The following ATP11C variants were observed in gnomAD, a reference collection of about 807,000 sequenced individuals.
The protein encoded by ATP11C is ATPase phospholipid transporting 11C (ATP11C blood group), also known as phospholipid-transporting ATPase IG.
Under a neutral mutation model 97.4 loss-of-function variants are expected in ATP11C, and 36 were observed. That is an observed-to-expected ratio of 0.37 (90% CI 0.28 to 0.49). The LOEUF (loss-of-function observed/expected upper bound fraction) is 0.49, where lower values mean the gene tolerates loss of function less well. ATP11C is among the 20% of genes least tolerant of loss of function. ATP11C has a pLI of 0.98. For missense variants in ATP11C, 730 were observed against 824.6 expected (o/e 0.89, Z 1.40); for synonymous variants, 275 against 290.9 (o/e 0.95, Z 0.56).
rs2082548630 is a variant in ATP11C at position 139,785,255 on chromosome X, C to T, written c.1637G>A (p.Arg546His). The T allele has an allele frequency of 2.5e-6, 3 of 1,206,575 alleles. No homozygotes were observed. Among genetic ancestry groups the T allele is most frequent in the African/African-American group, 1.8e-5 (1 of 57,097 alleles). The change falls in exon 16 of 30, where the codon CGT becomes CAT. Residue 546 changes from arginine (R) to histidine (H), a missense_variant. Arg to His is a conservative substitution (Grantham distance 29). Transcript: ENST00000682941. Reference sequence around the variant, plus strand: ...TTGAGTCTTCACAATTACACTCATACGTCGCCGGACAGCATCAAAGTTTAA... The same window carrying T: ...TTGAGTCTTCACAATTACACTCATATGTCGCCGGACAGCATCAAAGTTTAA... ...HTLNFDAVRR[R>H]MSVIVKTQEG...
chrX:139,908,868 A>G (rs1463967271), intron 1 of ATP11C, among the ~76,000 whole-genome samples: 2 of 112,213 alleles, frequency 1.8e-5, no homozygotes, highest in Non-Finnish European at 3.8e-5. Flanking sequence ...GATGTTTCCA[A>G]TGCAGGCTCA....
intron 3 of ATP11C, among the ~76,000 whole-genome samples, chrX:139,818,772 T>C (rs967017348): frequency 1.8e-5 from 2 of 112,311 alleles, no homozygotes; most frequent in Non-Finnish European, 3.8e-5. Flanking sequence ...GGGGTAATTA[T>C]GGCGAGGAAA....
intron 14 of ATP11C, 73 bp downstream of exon 14, chrX:139,788,119 G>A (rs1410323214): frequency 6.0e-6 from 6 of 992,662 alleles, no homozygotes; most frequent in African/African-American, 3.9e-5. Flanking sequence ...TGAAGCAAAC[G>A]GAAAAAAACA....
At chrX:139,836,927 A>C (rs2083758337) in intron 1 of ATP11C, among the ~76,000 whole-genome samples, 1 of 111,714 alleles carries the variant, frequency 9.0e-6, no homozygotes, top group Non-Finnish European at 1.9e-5. Context: ...CATGAGGGCA[A>C]TTTTTAAAAT....
chrX:139,868,664 T>G (rs1341263923), intron 1 of ATP11C, among the ~76,000 whole-genome samples: 7 of 107,654 alleles, frequency 6.5e-5, no homozygotes, highest in Admixed American at 6.0e-4. Context: ...GAGGTGGAAG[T>G]TGCAGTGAGC....
At chrX:139,850,980 G>A (rs2083980293) in intron 1 of ATP11C, among the ~76,000 whole-genome samples, 1 of 111,716 alleles carries the variant, frequency 9.0e-6, no homozygotes, top group African/African-American at 3.3e-5. Context: ...GCCAGGTACA[G>A]AATGAAAAAG....
At position 139,743,579 on chromosome X, in the gene ATP11C, C is replaced by T; in HGVS notation, c.3010G>A (p.Val1004Ile). The stretch of plus-strand genomic sequence containing the variant: ...CTAACCTTCAGGGTTACAGTGAATA[C>T]TAAGACTGTAAAAACAATGGTTCCA... ...TFGTIVFTVL[V>I]FTVTLKLALD... Residue 1004 changes from valine to isoleucine, a missense_variant, in exon 26 of 30, where the codon GTA (valine) becomes ATA (isoleucine). Val to Ile is a conservative substitution (Grantham distance 29). Coordinates refer to ENST00000682941, the MANE Select transcript of ATP11C (RefSeq NM_001353812.2). 8.5e-7 allele frequency: 1 copy of T among 1,174,684 alleles called. No homozygotes were observed. The highest frequency in any genetic ancestry group is 1.1e-6 in the Non-Finnish European group (1 of 871,826).
At chrX:139,759,643 C>T (rs1242947896) in intron 22 of ATP11C, among the ~76,000 whole-genome samples, 1 of 111,296 alleles carries the variant, frequency 9.0e-6, no homozygotes, top group Non-Finnish European at 1.9e-5. Context: ...GATGCAATGG[C>T]GAGAGGATGG....
chrX:139,804,398 G>C (rs2082997542), intron 6 of ATP11C, 73 bp downstream of exon 6: 1 of 777,646 alleles, frequency 1.3e-6, no homozygotes. Flanking sequence ...AAAGATTAGA[G>C]GGTGATGGGA....
intron 12 of ATP11C, among the ~76,000 whole-genome samples, chrX:139,792,012 C>CTA (rs2082699539): frequency 9.0e-6 from 1 of 110,604 alleles, no homozygotes; most frequent in Non-Finnish European, 1.9e-5. Context: ...ACAAGTGGTT[C>CTA]GGGGCCCCTA....
intron 2 of ATP11C, among the ~76,000 whole-genome samples, chrX:139,826,285 G>T (rs1383777738): frequency 9.1e-6 from 1 of 109,943 alleles, no homozygotes; most frequent in African/African-American, 3.3e-5. Flanking sequence ...GAACTAGAAA[G>T]AAATGCAAAT....
At chrX:139,923,191 T>C (rs886211063) in intron 1 of ATP11C, among the ~76,000 whole-genome samples, 2 of 111,686 alleles carry the variant, frequency 1.8e-5, no homozygotes, top group African/African-American at 3.3e-5. Flanking sequence ...CCCTGCACCA[T>C]TGCTCAGGTA....
intron 18 of ATP11C, 23 bp downstream of exon 18, chrX:139,782,524 T>C: frequency 1.8e-6 from 2 of 1,122,567 alleles, no homozygotes; most frequent in Non-Finnish European, 2.4e-6. Flanking sequence ...ATTAAAATAA[T>C]AAGAGTATCA....
In ATP11C at chrX:139,873,017, G is replaced by A. The variant is rs991356627; in HGVS notation, c.28-46194C>T. Among the ~76,000 whole-genome samples, 3 of 112,089 alleles carry A rather than the reference G, an allele frequency of 2.7e-5. 1 individual carries two copies. Among genetic ancestry groups the A allele is most frequent in the Non-Finnish European group, 5.6e-5 (3 of 53,240 alleles). The stretch of plus-strand genomic sequence containing the variant: ...ATTAATCTAGTTGTATTACATAGTG[G>A]AGCAGACTTCAAGTCCTTTAAAAGA... On this transcript the variant is annotated intron_variant, in intron 1 of 29. Coordinates refer to ENST00000682941, the MANE Select transcript of ATP11C (RefSeq NM_001353812.2).
intron 9 of ATP11C, 125 bp from the exon 10 acceptor site, chrX:139,798,479 A>G (rs2082848607): frequency 9.8e-6 from 5 of 512,500 alleles, no homozygotes; most frequent in Middle Eastern, 4.8e-4. Context: ...CACCAGTTGT[A>G]TATCATTTAT....
At chrX:139,789,591 T>G (rs947056084) in intron 12 of ATP11C, 103 bp from the exon 13 acceptor site, 8 of 541,735 alleles carry the variant, frequency 1.5e-5, no homozygotes, top group African/African-American at 2.4e-5. Context: ...AAATCACCCC[T>G]TCTAAGACTT....
chrX:139,924,921 G>A (rs1454398862), intron 1 of ATP11C, among the ~76,000 whole-genome samples: 3 of 111,472 alleles, frequency 2.7e-5, no homozygotes, highest in Admixed American at 9.6e-5. Flanking sequence ...AATCACATCC[G>A]CAAGCGTTTC....
At chrX:139,864,669 C>T (rs1041559224) in intron 1 of ATP11C, among the ~76,000 whole-genome samples, 5 of 112,208 alleles carry the variant, frequency 4.5e-5, no homozygotes, top group African/African-American at 6.5e-5. Context: ...CCATCACCAT[C>T]ACCCACGCTC....
At chrX:139,756,368 A>G (rs1315857369) in intron 23 of ATP11C, among the ~76,000 whole-genome samples, 1 of 112,295 alleles carries the variant, frequency 8.9e-6, no homozygotes, top group African/African-American at 3.2e-5. Flanking sequence ...CACTTGCAGA[A>G]TGCTGGTGAG....
Sources: gnomAD v4.1 joint callset for allele counts (sites outside exome capture counted in the v4.1 genomes callset) on GRCh38, gnomAD v4.1.1 for gene constraint, MANE v1.5 for transcripts, NCBI Gene and HGNC (gene_info 2026-07-23, HGNC 2026-07-21) for gene names.